Variants in WDR41 observed in about 807,000 individuals in gnomAD.
The protein encoded by WDR41 is WD repeat-containing protein 41.
In WDR41, 63 loss-of-function variants were observed where a neutral mutation model predicts 69.3. The ratio of observed to expected loss-of-function variants is 0.91; its 90% CI spans 0.74 to 1.12. The LOEUF (loss-of-function observed/expected upper bound fraction) is 1.12, where lower values mean the gene tolerates loss of function less well. Ranked by LOEUF, WDR41 falls within the 50% of genes most tolerant of loss-of-function variation. WDR41 has a pLI of 0.00. For missense variants in WDR41, 543 were observed against 534.5 expected, an observed-to-expected ratio of 1.02 and a Z score of -0.16; for synonymous variants, 185 against 192.1, an observed-to-expected ratio of 0.96 and a Z score of 0.31.
intron 6 of WDR41, chr5:77,451,650 C>A: frequency 3.8e-6 from 1 of 264,224 alleles, no homozygotes; most frequent in Non-Finnish European, 7.2e-6. Context: ...ACTTATTTAC[C>A]AGGGATCCCT....
chr5:77,486,108 G>T (rs370447442), intron 2 of WDR41, among the ~76,000 whole-genome samples: 1 of 152,030 alleles, frequency 6.6e-6, no homozygotes, highest in South Asian at 2.1e-4. Flanking sequence ...AAAAACATTC[G>T]GTTAATTCTG....
At chr5:77,479,269 T>C (rs1392798279) in intron 2 of WDR41, among the ~76,000 whole-genome samples, 1 of 151,822 alleles carries the variant, frequency 6.6e-6, no homozygotes, top group African/African-American at 2.4e-5. Flanking sequence ...ATAGATTCAG[T>C]GCCATCCCCA....
At chr5:77,514,829 G>T (rs950081321) in intron 1 of WDR41, among the ~76,000 whole-genome samples, 3 of 152,180 alleles carry the variant, frequency 2.0e-5, no homozygotes, top group Non-Finnish European at 4.4e-5. Flanking sequence ...ACAATGGTAA[G>T]TATTTGTGTA....
chr5:77,492,120 G>T (rs768053619), intron 1 of WDR41, 50 bp downstream of exon 1: 1 of 1,596,716 alleles, frequency 6.3e-7, no homozygotes, highest in South Asian at 1.1e-5. Flanking sequence ...GAACGAAGCC[G>T]CCCCTCCAGC....
At position 77,436,333 on chromosome 5, in the gene WDR41, CT is replaced by C; in HGVS notation, c.1154del (p.Lys385SerfsTer17). 1 of 1,614,106 alleles carries C rather than the reference CT, an allele frequency of 6.2e-7. No homozygotes were observed. Among genetic ancestry groups the C allele is most frequent in the Non-Finnish European group, 8.5e-7 (1 of 1,179,998 alleles). On this transcript the variant is annotated frameshift_variant, in exon 12 of 13. Transcript: ENST00000296679. LOFTEE classifies it high-confidence loss of function. ...VSKQASQPVK[K>X]QQENATSCSL... ...AACATGAAGTAGCATTTTCTTGCTG[CT>C]TTTTAACAGGTTGGCTGGCTTGTTT...
At chr5:77,472,231 T>C (rs923870054) in intron 2 of WDR41, among the ~76,000 whole-genome samples, 1 of 152,228 alleles carries the variant, frequency 6.6e-6, no homozygotes, top group Non-Finnish European at 1.5e-5. Flanking sequence ...CAACTCTTCA[T>C]GCTAAAAACT....
chr5:77,556,483 T>A (rs1356947032), intron 1 of WDR41, among the ~76,000 whole-genome samples: 1 of 151,780 alleles, frequency 6.6e-6, no homozygotes, highest in Non-Finnish European at 1.5e-5. Flanking sequence ...TGTCGGCTCA[T>A]TGCAACCTCT....
intron 9 of WDR41, among the ~76,000 whole-genome samples, chr5:77,440,336 A>G (rs2151290712): frequency 1.3e-5 from 2 of 152,330 alleles, no homozygotes; most frequent in Middle Eastern, 6.8e-3. Context: ...ACAGCAAAAC[A>G]GATCTAAAGT....
intron 2 of WDR41, among the ~76,000 whole-genome samples, chr5:77,465,727 T>C (rs1261847996): frequency 6.6e-6 from 1 of 151,914 alleles, no homozygotes; most frequent in African/African-American, 2.4e-5. Flanking sequence ...CAGGCTTTTT[T>C]TTTTTTTCAG....
chr5:77,610,727 C>T (rs1181657245), intron 1 of WDR41, among the ~76,000 whole-genome samples: 2 of 152,168 alleles, frequency 1.3e-5, no homozygotes, highest in Non-Finnish European at 2.9e-5. Flanking sequence ...ACCATCAAGA[C>T]TAGGAAGAAA....
At chr5:77,520,508 G>T (rs138964122) in intron 1 of WDR41, among the ~76,000 whole-genome samples, 1,628 of 152,256 alleles carry the variant, frequency 0.011, 31 homozygotes, top group African/African-American at 0.037. Flanking sequence ...TCAAAGACCT[G>T]ACACCGCATT....
chr5:77,439,704 G>T (rs1799084348), intron 9 of WDR41, among the ~76,000 whole-genome samples: 1 of 151,966 alleles, frequency 6.6e-6, no homozygotes, highest in African/African-American at 2.4e-5. Flanking sequence ...AACAAAAGAA[G>T]AAAAATTAGG....
At chr5:77,603,427 GTT>G (rs1744360949) in intron 1 of WDR41, among the ~76,000 whole-genome samples, 2 of 152,196 alleles carry the variant, frequency 1.3e-5, no homozygotes, top group African/African-American at 4.8e-5. Context: ...ATGGTTTTTG[GTT>G]TTTACTATTG....
At chr5:77,547,660 A>G (rs1294146449) in intron 1 of WDR41, among the ~76,000 whole-genome samples, 3 of 152,178 alleles carry the variant, frequency 2.0e-5, no homozygotes, top group African/African-American at 7.2e-5. Flanking sequence ...AACACAGTCC[A>G]TGCTCATGGA....
intron 1 of WDR41, among the ~76,000 whole-genome samples, chr5:77,517,178 A>G (rs1038770412): frequency 1.3e-4 from 20 of 152,320 alleles, no homozygotes; most frequent in African/African-American, 4.3e-4. Flanking sequence ...TATTCTGAGC[A>G]GTGAAATGCT....
chr5:77,575,193 A>G (rs1743807795), intron 1 of WDR41, among the ~76,000 whole-genome samples: 1 of 152,114 alleles, frequency 6.6e-6, no homozygotes, highest in African/African-American at 2.4e-5. Flanking sequence ...TCATTATACC[A>G]CTCTAACTTG....
intron 1 of WDR41, among the ~76,000 whole-genome samples, chr5:77,561,763 T>C (rs1743528757): frequency 6.6e-6 from 1 of 152,166 alleles, no homozygotes; most frequent in Non-Finnish European, 1.5e-5. Context: ...AGAAATCAAA[T>C]GAAAACTATT....
chr5:77,577,279 A>G (rs1273509579), intron 1 of WDR41, among the ~76,000 whole-genome samples: 2 of 152,038 alleles, frequency 1.3e-5, no homozygotes, highest in Non-Finnish European at 2.9e-5. Flanking sequence ...ATTTCCTACA[A>G]AACAATATCC....
Position 77,433,104 on chromosome 5 carries a change from G to T in WDR41, c.*31C>A. The T allele has an allele frequency of 6.3e-7, 1 of 1,591,822 alleles. No individual in the cohort carries two copies. The highest frequency in any genetic ancestry group is 8.6e-7 in the Non-Finnish European group (1 of 1,169,114). On this transcript the variant is annotated 3_prime_UTR_variant, in exon 13 of 13. Transcript: ENST00000296679. ...TAGTACCCGATATTTGATGTTCAAGGTTCATGCATGTGTATTTTTAATTCC... is the reference window on the plus strand; with the variant it reads ...TAGTACCCGATATTTGATGTTCAAGTTTCATGCATGTGTATTTTTAATTCC...
Sources: gnomAD v4.1 joint callset for allele counts (sites outside exome capture counted in the v4.1 genomes callset) on GRCh38, gnomAD v4.1.1 for gene constraint, MANE v1.5 for transcripts, NCBI Gene and HGNC (gene_info 2026-07-23, HGNC 2026-07-21) for gene names.